ABCG8: variants seen among roughly 807,000 people sequenced by gnomAD.
The protein encoded by ABCG8 is ATP binding cassette subfamily G member 8, also known as ATP-binding cassette sub-family G member 8.
Under a neutral mutation model 71.3 loss-of-function variants are expected in ABCG8, and 81 were observed. The ratio of observed to expected loss-of-function variants is 1.14; its 90% confidence interval spans 0.95 to 1.37. The LOEUF is 1.37. Among genes scored for constraint, ABCG8 ranks in the 40% most tolerant of loss-of-function variants. The pLI is 0.00. For missense variants in ABCG8, 1,119 were observed against 866.2 expected, an observed-to-expected ratio of 1.29 and a Z score of -3.66; for synonymous variants, 451 against 354.7, an observed-to-expected ratio of 1.27 and a Z score of -3.05.
At chr2:43,863,524 A>G (rs1484618170) in intron 6 of ABCG8, among the ~76,000 whole-genome samples, 1 of 150,918 alleles carries the variant, frequency 6.6e-6, no homozygotes, top group Non-Finnish European at 1.5e-5. Context: ...AACTGTCACT[A>G]TCTGGATAGA....
At chr2:43,859,655 A>G (rs1351594203) in intron 6 of ABCG8, among the ~76,000 whole-genome samples, 8 of 149,892 alleles carry the variant, frequency 5.3e-5, no homozygotes, top group Non-Finnish European at 4.5e-5. Context: ...CTCACCATCC[A>G]GATAGAACTC....
rs879383949 is a variant in ABCG8, at chr2:43,844,522, T to C, written c.79T>C (p.Leu27=). 2 of 1,614,014 alleles carry C rather than the reference T, an allele frequency of 1.2e-6. No homozygotes were observed. The highest frequency in any genetic ancestry group is 1.3e-5 in the African/African-American group (1 of 74,946). The stretch of plus-strand genomic sequence containing the variant: ...TCTCCCACAGGGCCTCCAGGATAGA[T>C]TGTTCTCCTCTGAAAGTGACAACAG... The part of the protein sequence containing the change: ...PQDTSGLQDR[L]FSSESDNSLY... Residue 27 remains leucine, a synonymous_variant, in exon 2 of 13, where the codon TTG becomes CTG. Coordinates refer to ENST00000272286, the MANE Select transcript of ABCG8 (RefSeq NM_022437.3).
At position 43,857,726 on chromosome 2, in the gene ABCG8, C is replaced by G. The variant is rs77018843; in HGVS notation, c.964+4858C>G. Among the ~76,000 whole-genome samples the G allele has an allele frequency of 6.3e-3, 952 of 151,922 alleles. 2 individuals carry two copies. The highest frequency in any genetic ancestry group is 0.011 in the Non-Finnish European group (730 of 67,724). On this transcript the variant is annotated intron_variant, in intron 6 of 12. Coordinates refer to ENST00000272286, the MANE Select transcript of ABCG8 (RefSeq NM_022437.3). ...TCTTACTACCTGGAGAGAACTCTCACTATCTGGATAGAATTCTCAACATCT... is the reference window on the plus strand; with the variant it reads ...TCTTACTACCTGGAGAGAACTCTCAGTATCTGGATAGAATTCTCAACATCT...
At chr2:43,849,647 C>T (rs1434009814) in intron 3 of ABCG8, among the ~76,000 whole-genome samples, 1 of 152,190 alleles carries the variant, frequency 6.6e-6, no homozygotes, top group Non-Finnish European at 1.5e-5. Context: ...AAGTTTTGCT[C>T]AGAAAACGTG....
At chr2:43,874,605 C>A in intron 10 of ABCG8, 122 bp downstream of exon 10, 1 of 813,730 alleles carries the variant, frequency 1.2e-6, no homozygotes, top group Non-Finnish European at 2.2e-6. Flanking sequence ...GTGAAGTCAC[C>A]GATGCCACCA....
At chr2:43,855,128 A>G (rs975734771) in intron 6 of ABCG8, among the ~76,000 whole-genome samples, 2 of 152,206 alleles carry the variant, frequency 1.3e-5, no homozygotes, top group African/African-American at 4.8e-5. Flanking sequence ...AACTCTCACA[A>G]TCTGGATAGA....
chr2:43,858,125 T>C (rs931189979), intron 6 of ABCG8, among the ~76,000 whole-genome samples: 1 of 151,638 alleles, frequency 6.6e-6, no homozygotes, highest in Admixed American at 6.6e-5. Flanking sequence ...TGGATAGAAT[T>C]CTCAACATCT....
At chr2:43,870,715 A>G (rs147596934) in intron 6 of ABCG8, among the ~76,000 whole-genome samples, 5 of 151,502 alleles carry the variant, frequency 3.3e-5, no homozygotes, top group East Asian at 2.0e-4. Context: ...AACTCTCACT[A>G]TCTGTCTGGA....
Position 43,877,645 on chromosome 2 carries a change from A to C in ABCG8, c.1841A>C (p.Lys614Thr). ...MKIQFSRRTY[K>T]MPLGNLTIAV... is the part of the protein sequence containing the mutation. Reference sequence around the variant, plus strand: ...ATTCAGTTCAGCAGAAGAACTTATAAAATGCCTCTCGGGAACCTCACCATC... The same window carrying C: ...ATTCAGTTCAGCAGAAGAACTTATACAATGCCTCTCGGGAACCTCACCATC... The change falls in exon 12 of 13, where the codon AAA (lysine) becomes ACA (threonine). Residue 614 changes from lysine to threonine, a missense_variant. Physicochemically the swap from Lys to Thr is moderately conservative, Grantham distance 78. Transcript: ENST00000272286. 6.2e-7 allele frequency: 1 copy of C among 1,614,088 alleles called. No individual in the cohort carries two copies. Among genetic ancestry groups the C allele is most frequent in the African/African-American group, 1.3e-5 (1 of 74,998 alleles).
rs1389842165 is a variant in ABCG8 at position 43,880,826 on chromosome 2, T to G, written c.*2913T>G. ...CCATTACCCTTAGGTTATTTACTCA[T>G]TTGATTAACCGCCTGCAGGTAAGTA... On this transcript the variant is annotated 3_prime_UTR_variant, in exon 13 of 13. Coordinates refer to ENST00000272286, the MANE Select transcript of ABCG8 (RefSeq NM_022437.3). The G allele has an allele frequency of 6.6e-6, 1 of 152,224 alleles. No homozygotes were observed. Among genetic ancestry groups the G allele is most frequent in the Non-Finnish European group, 1.5e-5 (1 of 68,034 alleles). 9.4% of individuals were successfully genotyped at this position (152,224 alleles called of 1,614,324 possible).
In ABCG8 at chr2:43,851,770, T is replaced by C. The variant is rs1261721014; in HGVS notation, c.509T>C (p.Ile170Thr). The C allele has an allele frequency of 6.2e-7, 1 of 1,614,220 alleles. No individual in the cohort carries two copies. Among genetic ancestry groups the C allele is most frequent in the Non-Finnish European group, 8.5e-7 (1 of 1,180,042 alleles). ...NLTVRETLAF[I>T]AQMRLPRTFS... ...ACTGTGCGAGAGACCTTGGCCTTCATTGCCCAGATGCGGCTGCCCAGAACC... is the reference window on the plus strand; with the variant it reads ...ACTGTGCGAGAGACCTTGGCCTTCACTGCCCAGATGCGGCTGCCCAGAACC... The change falls in exon 4 of 13, where the codon ATT (isoleucine) becomes ACT (threonine). Residue 170 changes from isoleucine to threonine, a missense_variant. Ile to Thr is a moderately conservative substitution (Grantham distance 89). Coordinates refer to ENST00000272286, the MANE Select transcript of ABCG8 (RefSeq NM_022437.3).
intron 6 of ABCG8, among the ~76,000 whole-genome samples, chr2:43,863,604 C>T (rs1447275372): frequency 2.6e-5 from 4 of 151,486 alleles, no homozygotes; most frequent in African/African-American, 9.7e-5. Context: ...ATAGAATTCT[C>T]ACTATCTGTC....
chr2:43,853,350 G>C lies in ABCG8; in HGVS notation c.964+482G>C, dbSNP rs1481065265. Among the ~76,000 whole-genome samples the C allele has an allele frequency of 3.9e-5, 6 of 152,184 alleles. No individual in the cohort carries two copies. The South Asian group carries it at 1.0e-3, about 26-fold the overall frequency. On this transcript the variant is annotated intron_variant, in intron 6 of 12. Transcript: ENST00000272286. ...TGTGAAAATTGCTCTGGCAGCCCCA[G>C]GCTTGCCCTTTGCTTGGGTCCTGAA... is the stretch of plus-strand genomic sequence containing the variant.
At chr2:43,852,005 C>T (rs1333814564) in intron 4 of ABCG8, among the ~76,000 whole-genome samples, 183 bp downstream of exon 4, 1 of 152,218 alleles carries the variant, frequency 6.6e-6, no homozygotes, top group Non-Finnish European at 1.5e-5. Flanking sequence ...CCACAGCCCG[C>T]CAGAAGCTAG....
At position 43,875,277 on chromosome 2, in the gene ABCG8, C is replaced by G. The variant is rs777846971; in HGVS notation, c.1620C>G (p.Phe540Leu). Residue 540 changes from phenylalanine to leucine, a missense_variant, in exon 11 of 13, where the codon TTC becomes TTG. Physicochemically the swap from Phe to Leu is conservative, Grantham distance 22 (BLOSUM62 0). Coordinates refer to ENST00000272286, the MANE Select transcript of ABCG8 (RefSeq NM_022437.3). ...TCCTGCTGGTGTGGCTGGTGGTCTT[C>G]TGTTGCAGGATTATGGCCCTGGCCG... ...LHFLLVWLVV[F>L]CCRIMALAAA... 6.2e-7 allele frequency: 1 copy of G among 1,614,184 alleles called. No individual in the cohort carries two copies. The highest frequency in any genetic ancestry group is 8.5e-7 in the Non-Finnish European group (1 of 1,180,032).
In ABCG8 at chr2:43,874,489, T is replaced by A; in HGVS notation, c.1488+6T>A. On this transcript the variant is annotated splice_donor_region_variant and intron_variant, in intron 10 of 12. Transcript: ENST00000272286. ...GTCCATATTTCTTTGCCAAGGTGAC[T>A]GGGCAGGGTTGAGAGCAAGTGCCCC... 6.3e-7 allele frequency: 1 copy of A among 1,598,986 alleles called. No homozygotes were observed. Among genetic ancestry groups the A allele is most frequent in the Non-Finnish European group, 8.5e-7 (1 of 1,173,960 alleles).
chr2:43,877,768 G>T lies in ABCG8; in HGVS notation c.1885-8G>T. 1.2e-6 allele frequency: 2 copies of T among 1,614,106 alleles called. No homozygotes were observed. The highest frequency in any genetic ancestry group is 1.7e-6 in the Non-Finnish European group (2 of 1,180,014). ...CCTCATGAGCCCACTGCATGTCTGT[G>T]TCTCCAGATCCTCAGTGTCATGGAG... is the stretch of plus-strand genomic sequence containing the variant. On this transcript the variant is annotated splice_region_variant and splice_polypyrimidine_tract_variant and intron_variant, in intron 12 of 12. Transcript: ENST00000272286.
chr2:43,849,012 A>ATGGG (rs1668829795), intron 3 of ABCG8, among the ~76,000 whole-genome samples: 5 of 148,620 alleles, frequency 3.4e-5, no homozygotes, highest in Admixed American at 3.3e-4. Context: ...GCAAGAGCAA[A>ATGGG]ACACTGTCTA....
chr2:43,870,899 G>T (rs1669742223), intron 6 of ABCG8, among the ~76,000 whole-genome samples: 3 of 151,308 alleles, frequency 2.0e-5, no homozygotes, highest in Non-Finnish European at 2.9e-5. Flanking sequence ...TGTCTGTCTG[G>T]ATAGAACTCT....
Sources: allele counts gnomAD v4.1 joint callset (sites outside exome capture counted in the v4.1 genomes callset), GRCh38; gene constraint gnomAD v4.1.1; transcripts MANE v1.5; gene names NCBI Gene and HGNC (gene_info 2026-07-23, HGNC 2026-07-21).